HTR1F: variants seen among roughly 807,000 people sequenced by gnomAD.
The protein encoded by HTR1F is 5-hydroxytryptamine receptor 1F.
Under a neutral mutation model 24.0 loss-of-function variants are expected in HTR1F, and 17 were observed. That is an observed-to-expected ratio of 0.71 (90% CI 0.48 to 1.06). HTR1F has a LOEUF of 1.06. HTR1F is among the 50% of genes least tolerant of loss of function. The pLI is 0.00. For missense variants in HTR1F, 391 were observed against 427.8 expected (o/e 0.91, Z 0.76); for synonymous variants, 186 against 156.8 (o/e 1.19, Z -1.39).
chr3:87,881,052 TG>T (rs1705783433), intron 2 of HTR1F, among the ~76,000 whole-genome samples: 2 of 151,760 alleles, frequency 1.3e-5, no homozygotes, highest in South Asian at 4.2e-4. Context: ...ACTTAGGTAC[TG>T]GGTTCATCTC....
chr3:87,939,110 T>C (rs1242111761), intron 2 of HTR1F, among the ~76,000 whole-genome samples: 2 of 152,176 alleles, frequency 1.3e-5, no homozygotes, highest in African/African-American at 4.8e-5. Flanking sequence ...AAGTGGGCAT[T>C]TCTGCATCTA....
chr3:87,949,060 G>C (rs1290316613), intron 2 of HTR1F, among the ~76,000 whole-genome samples: 1 of 151,906 alleles, frequency 6.6e-6, no homozygotes, highest in Non-Finnish European at 1.5e-5. Context: ...TTAGATTTTG[G>C]AAATGACTGT....
At chr3:87,974,528 A>G (rs1298823050) in intron 2 of HTR1F, among the ~76,000 whole-genome samples, 2 of 146,236 alleles carry the variant, frequency 1.4e-5, no homozygotes, top group South Asian at 2.3e-4. Context: ...CTCTACTAGT[A>G]TAAGAAAAAA....
chr3:87,874,227 C>A (rs1424989947), intron 2 of HTR1F, among the ~76,000 whole-genome samples: 1 of 151,830 alleles, frequency 6.6e-6, no homozygotes, highest in African/African-American at 2.4e-5. Flanking sequence ...GTAGAAAACC[C>A]TAAAGATTCC....
chr3:87,923,995 A>G (rs150347032), intron 2 of HTR1F, among the ~76,000 whole-genome samples: 1 of 152,148 alleles, frequency 6.6e-6, no homozygotes, highest in East Asian at 1.9e-4. Flanking sequence ...TATCAGGGTA[A>G]TGCTGGCCTT....
intron 2 of HTR1F, among the ~76,000 whole-genome samples, chr3:87,946,451 T>C (rs12491719): frequency 0.11 from 17,018 of 151,958 alleles, 1,181 homozygotes; most frequent in Non-Finnish European, 0.16. Context: ...TAACATTTTC[T>C]AATAGGCAAA....
intron 2 of HTR1F, among the ~76,000 whole-genome samples, chr3:87,932,393 C>T (rs1704300389): frequency 6.6e-6 from 1 of 152,046 alleles, no homozygotes; most frequent in Non-Finnish European, 1.5e-5. Flanking sequence ...CATTCTGTTC[C>T]ATTGATCTAT....
intron 2 of HTR1F, among the ~76,000 whole-genome samples, chr3:87,931,822 G>A (rs1201518849): frequency 6.7e-6 from 1 of 149,172 alleles, no homozygotes; most frequent in South Asian, 2.1e-4. Flanking sequence ...TTCTTCATGT[G>A]TCTTTTGGCT....
intron 2 of HTR1F, among the ~76,000 whole-genome samples, chr3:87,907,055 A>G (rs139612989): frequency 2.0e-5 from 3 of 152,168 alleles, no homozygotes; most frequent in East Asian, 3.9e-4. Context: ...GATACCTAGG[A>G]GTGGGATTGC....
At chr3:87,811,577 G>C (rs1416393047) in intron 1 of HTR1F, among the ~76,000 whole-genome samples, 1 of 152,140 alleles carries the variant, frequency 6.6e-6, no homozygotes, top group East Asian at 1.9e-4. Context: ...GATTCCAAAT[G>C]AAAGTGTTTT....
intron 1 of HTR1F, among the ~76,000 whole-genome samples, chr3:87,811,422 G>T (rs1240366307): frequency 3.3e-5 from 5 of 152,090 alleles, no homozygotes; most frequent in South Asian, 2.1e-4. Flanking sequence ...AAATTAATGG[G>T]CTTTATTTTT....
chr3:87,850,153 G>A (rs1268261463), intron 2 of HTR1F, among the ~76,000 whole-genome samples: 1 of 151,902 alleles, frequency 6.6e-6, no homozygotes, highest in Non-Finnish European at 1.5e-5. Context: ...AAAGACACAT[G>A]CACACGTAAG....
chr3:87,827,782 G>C (rs918915024), intron 2 of HTR1F, among the ~76,000 whole-genome samples: 5 of 152,170 alleles, frequency 3.3e-5, no homozygotes, highest in Admixed American at 6.5e-5. Context: ...GGTCCTGAGA[G>C]AAAACCTCGT....
intron 1 of HTR1F, among the ~76,000 whole-genome samples, chr3:87,817,923 T>G (rs1298411986): frequency 6.6e-6 from 1 of 152,168 alleles, no homozygotes; most frequent in African/African-American, 2.4e-5. Flanking sequence ...AAAAATATTT[T>G]TCATCAAAGA....
At chr3:87,865,143 A>G (rs1324313804) in intron 2 of HTR1F, among the ~76,000 whole-genome samples, 1 of 152,022 alleles carries the variant, frequency 6.6e-6, no homozygotes, top group Non-Finnish European at 1.5e-5. Flanking sequence ...TCATTTTAAA[A>G]CTTATTGGTG....
chr3:87,886,881 G>A (rs1019435741), intron 2 of HTR1F, among the ~76,000 whole-genome samples: 5 of 152,078 alleles, frequency 3.3e-5, no homozygotes, highest in Admixed American at 6.6e-5. Context: ...AATCAATATC[G>A]TGAAAATGGC....
chr3:87,922,107 T>C (rs1704023900), intron 2 of HTR1F, among the ~76,000 whole-genome samples: 1 of 152,000 alleles, frequency 6.6e-6, no homozygotes, highest in South Asian at 2.1e-4. Context: ...GTTCATACTG[T>C]TTTCCATAAT....
intron 2 of HTR1F, among the ~76,000 whole-genome samples, chr3:87,930,205 A>G (rs1704227746): frequency 6.6e-6 from 1 of 152,188 alleles, no homozygotes. Context: ...GGTGTTTTCT[A>G]GATATAGAAT....
chr3:87,905,318 CAAAAA>C (rs201880346), intron 2 of HTR1F, among the ~76,000 whole-genome samples: 1 of 146,850 alleles, frequency 6.8e-6, no homozygotes, highest in Non-Finnish European at 1.5e-5. Flanking sequence ...CTCAAACAAA[CAAAAA>C]AAAAGTTTGT....
Sources: allele counts gnomAD v4.1 joint callset (sites outside exome capture counted in the v4.1 genomes callset), GRCh38; gene constraint gnomAD v4.1.1; transcripts MANE v1.5; gene names NCBI Gene and HGNC (gene_info 2026-07-23, HGNC 2026-07-21).